CHD7: variants seen among roughly 807,000 people sequenced by gnomAD.
CHD7 encodes chromodomain helicase DNA binding protein 7.
Under a neutral mutation model 307.3 loss-of-function variants are expected in CHD7, and 24 were observed. That is an observed-to-expected ratio of 0.08 (90% CI 0.06 to 0.11). CHD7 has a LOEUF of 0.11. Among genes scored for constraint, CHD7 ranks in the 10% least tolerant of loss-of-function variants. The pLI is 1.00. For missense variants in CHD7, 3,106 were observed against 3,727.1 expected, an observed-to-expected ratio of 0.83 and a Z score of 4.34; for synonymous variants, 1,363 against 1,349.9, an observed-to-expected ratio of 1.01 and a Z score of -0.21.
chr8:60,743,774 T>C (rs1364380047), intron 2 of CHD7, among the ~76,000 whole-genome samples: 1 of 152,264 alleles, frequency 6.6e-6, no homozygotes, highest in Non-Finnish European at 1.5e-5. Context: ...TTTAAGTTTA[T>C]CATATTCACA....
intron 34 of CHD7, 85 bp from the exon 35 acceptor site, chr8:60,860,819 T>C: frequency 1.0e-6 from 1 of 976,920 alleles, no homozygotes; most frequent in Non-Finnish European, 1.6e-6. Context: ...AAAGATCCAT[T>C]CTAGGATAGC....
At chr8:60,816,113 G>GTCTCTCTCTCTC (rs201056061) in intron 7 of CHD7, among the ~76,000 whole-genome samples, 325 of 139,290 alleles carry the variant, frequency 2.3e-3, no homozygotes, top group African/African-American at 3.5e-3. Flanking sequence ...CTGTCTGTCT[G>GTCTCTCTCTCTC]TCTCTCTCTC....
chr8:60,684,565 G>A (rs1805789301), intron 1 of CHD7, among the ~76,000 whole-genome samples: 1 of 152,162 alleles, frequency 6.6e-6, no homozygotes, highest in African/African-American at 2.4e-5. Context: ...CCCTTAGGAA[G>A]TGGCTTTAGC....
At chr8:60,733,125 C>T (rs1347574521) in intron 1 of CHD7, among the ~76,000 whole-genome samples, 4 of 151,776 alleles carry the variant, frequency 2.6e-5, no homozygotes, top group Non-Finnish European at 4.4e-5. Flanking sequence ...GTCCCAACTA[C>T]TTGGGAGCCC....
intron 37 of CHD7, 58 bp downstream of exon 37, chr8:60,862,710 G>T: frequency 1.7e-6 from 2 of 1,189,190 alleles, no homozygotes; most frequent in Non-Finnish European, 2.4e-6. Context: ...GTTTTCCTTA[G>T]TCTTTCTTAT....
chr8:60,796,347 T>C (rs556146112), intron 4 of CHD7, among the ~76,000 whole-genome samples: 1 of 152,356 alleles, frequency 6.6e-6, no homozygotes, highest in South Asian at 2.1e-4. Context: ...TTATTGATTT[T>C]TGTTTTTTTA....
At chr8:60,773,110 A>C (rs947136557) in intron 2 of CHD7, among the ~76,000 whole-genome samples, 13 of 152,252 alleles carry the variant, frequency 8.5e-5, no homozygotes, top group Admixed American at 6.5e-5. Context: ...GAGGTATGTA[A>C]AATGTTCAAC....
In CHD7 at chr8:60,800,435, C is replaced by A. The variant is rs1208117759; in HGVS notation, c.2286C>A (p.Asp762Glu). The A allele has an allele frequency of 6.2e-7, 1 of 1,613,796 alleles. No individual in the cohort carries two copies. Among genetic ancestry groups the A allele is most frequent in the African/African-American group, 1.3e-5 (1 of 75,032 alleles). Residue 762 changes from aspartate to glutamate, a missense_variant, in exon 5 of 38, where the codon GAC (aspartate) becomes GAA (glutamate). By Grantham distance (45) the Asp-to-Glu change is conservative (BLOSUM62 2). Transcript: ENST00000423902. ...RQVKRKRYTE[D>E]LEFKISDEEA... Reference sequence around the variant, plus strand: ...TGAAGAGAAAGCGCTACACTGAAGACCTGGAGTTCAAGATTTCTGATGAGG... The same window carrying A: ...TGAAGAGAAAGCGCTACACTGAAGAACTGGAGTTCAAGATTTCTGATGAGG...
chr8:60,765,306 G>GCA (rs1203059390), intron 2 of CHD7, among the ~76,000 whole-genome samples: 6 of 56,168 alleles, frequency 1.1e-4, no homozygotes, highest in South Asian at 1.4e-3. Flanking sequence ...ATGCATGCAT[G>GCA]CACGCACGTG....
Position 60,851,032 on chromosome 8 carries a change from G to A in CHD7, c.5535G>A (p.Gly1845=), listed in dbSNP as rs1231745556. 3 of 1,559,270 alleles carry A rather than the reference G, an allele frequency of 1.9e-6. No homozygotes were observed. Among genetic ancestry groups the A allele is most frequent in the African/African-American group, 2.7e-5 (2 of 73,284 alleles). The change falls in exon 27 of 38, where the codon GGG becomes GGA. Residue 1845 remains glycine, a splice_region_variant and synonymous_variant. Transcript: ENST00000423902. The part of the protein sequence containing the change: ...GTDMLADGGD[G]GEFDREDEDP... The stretch of plus-strand genomic sequence containing the variant: ...TAATTTTTGTGTTTGTTTTACATAG[G>A]GGAGAATTTGATAGAGAAGATGAAG...
chr8:60,762,826 G>C (rs548840769), intron 2 of CHD7, among the ~76,000 whole-genome samples: 1 of 152,290 alleles, frequency 6.6e-6, no homozygotes, highest in African/African-American at 2.4e-5. Context: ...GATATGCTAG[G>C]ACAGAGGAGT....
At chr8:60,736,285 G>T (rs1808703617) in intron 1 of CHD7, among the ~76,000 whole-genome samples, 1 of 152,174 alleles carries the variant, frequency 6.6e-6, no homozygotes, top group South Asian at 2.1e-4. Flanking sequence ...GTTGGGGGCT[G>T]GGTTGTGGGT....
intron 1 of CHD7, among the ~76,000 whole-genome samples, chr8:60,698,107 A>T (rs1806574956): frequency 6.6e-6 from 1 of 152,254 alleles, no homozygotes; most frequent in South Asian, 2.1e-4. Flanking sequence ...AACCACTTAC[A>T]GCCTGACTTG....
chr8:60,838,142 G>A lies in CHD7; in HGVS notation c.4420G>A (p.Asp1474Asn). The A allele has an allele frequency of 6.4e-7, 1 of 1,564,280 alleles. No individual in the cohort carries two copies. Among genetic ancestry groups the A allele is most frequent in the Non-Finnish European group, 8.7e-7 (1 of 1,153,674 alleles). Reference sequence around the variant, plus strand: ...AAAAGGGGCCTATGGTGCACTCATGGATGAGGAGGATGAAGGGTCTAAATT... The same window carrying A: ...AAAAGGGGCCTATGGTGCACTCATGAATGAGGAGGATGAAGGGTCTAAATT... ...LRKGAYGALM[D>N]EEDEGSKFCE... The change falls in exon 19 of 38, where the codon GAT becomes AAT. Residue 1474 changes from aspartate (D) to asparagine (N), a missense_variant. This residue lies in a region of CHD7 where 93 missense variants were observed against 176.4 expected (regional missense o/e 0.53). Coordinates refer to ENST00000423902, the MANE Select transcript of CHD7 (RefSeq NM_017780.4).
rs1811488562 is a variant in CHD7 at position 60,786,291 on chromosome 8, T to G, written c.2096+4861T>G. On this transcript the variant is annotated intron_variant, in intron 3 of 37. Transcript: ENST00000423902. Reference sequence around the variant, plus strand: ...CTGAGTAAGCAGGGTGAGAGAGTCATCAGCTGCTTTTAGTACAGACCCCGG... The same window carrying G: ...CTGAGTAAGCAGGGTGAGAGAGTCAGCAGCTGCTTTTAGTACAGACCCCGG... Among the ~76,000 whole-genome samples the G allele has an allele frequency of 1.3e-5, 2 of 152,328 alleles. 1 individual carries two copies. The highest frequency in any genetic ancestry group is 4.1e-4 in the South Asian group (2 of 4,826).
At chr8:60,812,751 A>T (rs1004079806) in intron 7 of CHD7, among the ~76,000 whole-genome samples, 3 of 148,430 alleles carry the variant, frequency 2.0e-5, no homozygotes, top group Non-Finnish European at 4.5e-5. Flanking sequence ...TATTTATTTT[A>T]TTTATTTTTT....
rs748126701 is a variant in CHD7, at chr8:60,861,076, G to T, written c.7781G>T (p.Trp2594Leu). The T allele has an allele frequency of 6.2e-7, 1 of 1,611,536 alleles. No homozygotes were observed. The highest frequency in any genetic ancestry group is 1.1e-5 in the South Asian group (1 of 90,582). ...CCTAAAAATAAGGATTTAGTTGAAT[G>T]GCTGAAGCTGCACCCTACTTACACT... Reference protein sequence around the residue: ...DAPKNKDLVEWLKLHPTYTVD... With the variant: ...DAPKNKDLVELLKLHPTYTVD... Residue 2594 changes from tryptophan to leucine, a missense_variant, in exon 35 of 38, where the codon TGG becomes TTG. Trp to Leu is a moderately conservative substitution (Grantham distance 61, BLOSUM62 -2). Around this residue, in one of 10 missense-constraint regions of CHD7, gnomAD observed 1,030 missense variants for 1,165.4 expected, o/e 0.88. Coordinates refer to ENST00000423902, the MANE Select transcript of CHD7 (RefSeq NM_017780.4).
At chr8:60,771,551 T>C (rs1810710769) in intron 2 of CHD7, among the ~76,000 whole-genome samples, 1 of 152,200 alleles carries the variant, frequency 6.6e-6, no homozygotes, top group African/African-American at 2.4e-5. Flanking sequence ...CTTAAAACAA[T>C]ATCTATTTCC....
intron 3 of CHD7, among the ~76,000 whole-genome samples, chr8:60,792,383 C>CTGAA (rs1306014036): frequency 6.6e-6 from 1 of 152,100 alleles, no homozygotes; most frequent in Admixed American, 6.5e-5. Context: ...AGGGTGGACA[C>CTGAA]TGAAGATTTT....
Sources: gnomAD v4.1 joint callset for allele counts (sites outside exome capture counted in the v4.1 genomes callset) on GRCh38, gnomAD v4.1.1 for gene constraint, gnomAD v4.1.1 regional missense constraint, MANE v1.5 for transcripts, NCBI Gene and HGNC (gene_info 2026-07-23, HGNC 2026-07-21) for gene names.